Variants in PLEKHH1 observed in about 807,000 individuals in gnomAD.
PLEKHH1 encodes the protein pleckstrin homology domain-containing family H member 1.
Under a neutral mutation model 160.0 loss-of-function variants are expected in PLEKHH1, and 104 were observed. The observed-to-expected ratio is 0.65, with a 90% CI of 0.55 to 0.76. The LOEUF (loss-of-function observed/expected upper bound fraction) is 0.76. Among genes scored for constraint, PLEKHH1 ranks in the 30% least tolerant of loss-of-function variants. The probability of loss-of-function intolerance (pLI) is 0.00; values close to 1 mark genes in which losing one functional copy is unlikely to be tolerated. For missense variants in PLEKHH1, 1,427 were observed against 1,724.1 expected (o/e 0.83, Z 3.05); for synonymous variants, 619 against 678.4 (o/e 0.91, Z 1.36).
intron 2 of PLEKHH1, among the ~76,000 whole-genome samples, chr14:67,544,440 A>G (rs546477111): frequency 8.4e-4 from 128 of 152,356 alleles, no homozygotes; most frequent in African/African-American, 2.9e-3. Flanking sequence ...CCACACAGAA[A>G]AAAAGCCTTA....
In PLEKHH1 at chr14:67,582,654, AAAAAAATAAAATAAAATAAAAT is replaced by A. The variant is rs2035957668; in HGVS notation, c.3426+450_3426+471del. 8.5e-3 allele frequency among the ~76,000 whole-genome samples: 3 copies of A among 354 alleles called. No homozygotes were observed. The Admixed American group carries it at 0.17, about 20-fold the overall frequency. 0.2% of individuals were successfully genotyped at this position (354 alleles called of 152,430 possible). A position where few individuals can be genotyped will look rare whatever the true frequency, so the allele number is the denominator to read the frequency against. ...ACCAGTGAAACCCTGTCTCTACTGA[AAAAAAATAAAATAAAATAAAAT>A]AAAAATAAAAATTAGCTGGGTGTGG... On this transcript the variant is annotated intron_variant, in intron 24 of 28. Transcript: ENST00000329153. The surrounding 1 kb of genome is among the most constrained non-coding windows in gnomAD (Gnocchi z 5.0).
chr14:67,577,441 C>T (rs1161078710), intron 18 of PLEKHH1, 27 bp downstream of exon 18: 1 of 1,371,224 alleles, frequency 7.3e-7, no homozygotes. Context: ...GCCAGGCCCA[C>T]CGCTGGGATA....
chr14:67,582,171 C>G lies in PLEKHH1; in HGVS notation c.3387C>G (p.Asn1129Lys). The G allele has an allele frequency of 6.2e-7, 1 of 1,613,542 alleles. No individual in the cohort carries two copies. Among genetic ancestry groups the G allele is most frequent in the Non-Finnish European group, 8.5e-7 (1 of 1,179,780 alleles). ...REIVAGRFPI[N>K]KELALEMAAL... ...TAGTGGCAGGGAGGTTTCCTATCAA[C>G]AAGGAATTGGCTCTTGAGATGGCTG... The change falls in exon 24 of 29, where the codon AAC becomes AAG. Residue 1129 changes from asparagine to lysine, a missense_variant. Physicochemically the swap from Asn to Lys is moderately conservative, Grantham distance 94 (BLOSUM62 0). Transcript: ENST00000329153. The surrounding 1 kb of genome is among the most constrained non-coding windows in gnomAD (Gnocchi z 5.0).
rs763670409 is a variant in PLEKHH1, at chr14:67,579,305, T to A, written c.3021T>A (p.Thr1007=). The change falls in exon 21 of 29, where the codon ACT becomes ACA. Residue 1007 remains threonine, a synonymous_variant. Coordinates refer to ENST00000329153, the MANE Select transcript of PLEKHH1 (RefSeq NM_020715.3). ...TCCCCGTGCACTTTACCAACGGGAC[T>A]TACCATGTGAGGAGCTGGGCGTGCT... ...FSIPVHFTNG[T]YHVVGFDGSS... 8 of 1,527,902 alleles carry A rather than the reference T, an allele frequency of 5.2e-6. No individual in the cohort carries two copies. Among genetic ancestry groups the A allele is most frequent in the Non-Finnish European group, 6.1e-6 (7 of 1,140,028 alleles). 94.6% of individuals were successfully genotyped at this position (1,527,902 alleles called of 1,614,324 possible).
At position 67,575,721 on chromosome 14, in the gene PLEKHH1, C is replaced by T. The variant is rs1375175478; in HGVS notation, c.2170-102C>T. 2.6e-5 allele frequency: 23 copies of T among 879,530 alleles called. No homozygotes were observed. In the East Asian group the frequency reaches 6.1e-4, roughly 23 times the overall value. 54.5% of individuals were successfully genotyped at this position (879,530 alleles called of 1,614,324 possible). On this transcript the variant is annotated intron_variant, in intron 15 of 28. Coordinates refer to ENST00000329153, the MANE Select transcript of PLEKHH1 (RefSeq NM_020715.3). ...CCACCTCCCCATCCTGTCATCGGTC[C>T]ATATCCACGATTCCCAGCTTCACGG...
rs1490766028 is a variant in PLEKHH1 at position 67,576,891 on chromosome 14, T to G, written c.2461+388T>G. The stretch of plus-strand genomic sequence containing the variant: ...AACCTGTTTGGAGTCTTTCTTTTGC[T>G]ACTGATTATCAGGGCCCTGAGGAAC... On this transcript the variant is annotated intron_variant, in intron 17 of 28. Coordinates refer to ENST00000329153, the MANE Select transcript of PLEKHH1 (RefSeq NM_020715.3). The surrounding 1 kb of genome is among the most constrained non-coding windows in gnomAD (Gnocchi z 4.0). Among the ~76,000 whole-genome samples, 1 of 152,192 alleles carries G rather than the reference T, an allele frequency of 6.6e-6. No homozygotes were observed. The highest frequency in any genetic ancestry group is 2.4e-5 in the African/African-American group (1 of 41,442).
rs2033984398 is a variant in PLEKHH1 at position 67,541,975 on chromosome 14, G to C, written c.108G>C (p.Arg36Ser). The change falls in exon 2 of 29, where the codon AGG becomes AGC. Residue 36 changes from arginine to serine, a missense_variant. Around this residue, in one of 6 missense-constraint regions of PLEKHH1, gnomAD observed 831 missense variants for 929.2 expected, o/e 0.89. Transcript: ENST00000329153. ...TCCGCCTACAGGCCAGCAAGATAAG[G>C]GAGCTGCTGGCTGACAAGGTGAGTC... The part of the protein sequence containing the change: ...FRFRLQASKI[R>S]ELLADKMQEL... The C allele has an allele frequency of 6.8e-6, 11 of 1,606,508 alleles. No individual in the cohort carries two copies. Among genetic ancestry groups the C allele is most frequent in the Non-Finnish European group, 9.3e-6 (11 of 1,176,808 alleles).
At chr14:67,566,749 GAAAA>G (rs58616303) in intron 7 of PLEKHH1, among the ~76,000 whole-genome samples, 1 of 134,216 alleles carries the variant, frequency 7.5e-6, no homozygotes, top group Non-Finnish European at 1.6e-5. Context: ...ACCCTGTCTT[GAAAA>G]AAAAAAAAAA....
At chr14:67,551,678 C>T (rs770657960) in intron 2 of PLEKHH1, among the ~76,000 whole-genome samples, 6 of 152,050 alleles carry the variant, frequency 3.9e-5, no homozygotes, top group Non-Finnish European at 8.8e-5. Context: ...CACATGAGGC[C>T]AGGAGTTTGA....
chr14:67,584,896 A>G lies in PLEKHH1; in HGVS notation c.3700-672A>G, dbSNP rs532330705. Among the ~76,000 whole-genome samples, 18 of 152,356 alleles carry G rather than the reference A, an allele frequency of 1.2e-4. No homozygotes were observed. In the South Asian group the frequency reaches 3.5e-3, roughly 30 times the overall value. ...ATGTACAGAGGTGTTATAAAGGCAT[A>G]TAACAGGGACCCACTTGGTCTGGGA... On this transcript the variant is annotated intron_variant, in intron 26 of 28. Transcript: ENST00000329153.
chr14:67,551,039 A>G (rs2034372534), intron 2 of PLEKHH1, among the ~76,000 whole-genome samples: 2 of 152,214 alleles, frequency 1.3e-5, no homozygotes. Context: ...GTATATACAC[A>G]CAGCCCTACA....
intron 2 of PLEKHH1, among the ~76,000 whole-genome samples, chr14:67,547,648 G>A (rs1594748854): frequency 6.6e-6 from 1 of 152,298 alleles, no homozygotes; most frequent in Admixed American, 6.5e-5. Context: ...CCTGTAGGGT[G>A]AGCAAAGCCT....
chr14:67,582,353 C>T lies in PLEKHH1; in HGVS notation c.3426+143C>T, dbSNP rs2035941683. On this transcript the variant is annotated intron_variant, in intron 24 of 28. Coordinates refer to ENST00000329153, the MANE Select transcript of PLEKHH1 (RefSeq NM_020715.3). This position sits in a 1 kb window ranked among gnomAD's most constrained non-coding sequence, Gnocchi z 5.0. ...TTGCCATCTCTGGGATGGAAAGCAG[C>T]TGACTTCTACAGATCAGAGCTCCTC... The T allele has an allele frequency of 4.1e-5, 58 of 1,406,040 alleles. 2 individuals carry two copies. The South Asian group carries it at 6.9e-4, about 17-fold the overall frequency. The allele number at this position is 1,406,040 out of a possible 1,614,324, so 87.1% of individuals were successfully genotyped here.
intron 2 of PLEKHH1, among the ~76,000 whole-genome samples, chr14:67,543,500 GA>G (rs1386775303): frequency 6.6e-6 from 1 of 152,218 alleles, no homozygotes; most frequent in Non-Finnish European, 1.5e-5. Flanking sequence ...CGTTTGGCCA[GA>G]ACCACGTAGA....
intron 3 of PLEKHH1, 144 bp downstream of exon 3, chr14:67,556,031 G>C (rs1304403759): frequency 1.8e-6 from 2 of 1,110,318 alleles, no homozygotes; most frequent in African/African-American, 3.1e-5. Flanking sequence ...GGAGCTTTCT[G>C]TGGGAGTAGA....
At chr14:67,551,094 C>T (rs934613927) in intron 2 of PLEKHH1, among the ~76,000 whole-genome samples, 4 of 152,198 alleles carry the variant, frequency 2.6e-5, no homozygotes, top group Non-Finnish European at 5.9e-5. Context: ...AAGCTAAATG[C>T]CCACAACACA....
intron 8 of PLEKHH1, chr14:67,569,690 T>A: frequency 1.8e-6 from 1 of 567,376 alleles, no homozygotes; most frequent in African/African-American, 1.9e-5. Context: ...GAGGAAAAAA[T>A]GGTTAAAGGT....
rs1306217227 is a variant in PLEKHH1 at position 67,575,761 on chromosome 14, G to A, written c.2170-62G>A. 2.4e-6 allele frequency: 3 copies of A among 1,261,204 alleles called. No homozygotes were observed. The African/African-American group carries it at 4.4e-5, about 19-fold the overall frequency. 78.1% of individuals were successfully genotyped at this position (1,261,204 alleles called of 1,614,324 possible). A position where few individuals can be genotyped will look rare whatever the true frequency, so the allele number is the denominator to read the frequency against. On this transcript the variant is annotated intron_variant, in intron 15 of 28. Transcript: ENST00000329153. ...CAGCTTCACGGAGCCTATGTATTCA[G>A]AGAGAGGAGACTCCCTCATCCCCCA...
intron 1 of PLEKHH1, among the ~76,000 whole-genome samples, chr14:67,534,501 G>A (rs2033618044): frequency 6.6e-6 from 1 of 151,822 alleles, no homozygotes; most frequent in Non-Finnish European, 1.5e-5. Context: ...GATCCTGTCT[G>A]TTAAAAAAAA....
Sources: gnomAD v4.1 joint callset for allele counts (sites outside exome capture counted in the v4.1 genomes callset) on GRCh38, gnomAD v4.1.1 for gene constraint, gnomAD v4.1.1 regional missense constraint, Gnocchi (gnomAD v3.1) non-coding constraint, MANE v1.5 for transcripts, NCBI Gene and HGNC (gene_info 2026-07-23, HGNC 2026-07-21) for gene names.